Variants in NMNAT2 observed in about 807,000 individuals in gnomAD.
NMNAT2 encodes the protein nicotinamide nucleotide adenylyltransferase 2, also known as nicotinamide/nicotinic acid mononucleotide adenylyltransferase 2.
In NMNAT2, 11 loss-of-function variants were observed where a neutral mutation model predicts 41.6. The observed-to-expected ratio is 0.26, with a 90% CI of 0.17 to 0.44. NMNAT2 has a LOEUF of 0.44. NMNAT2 is among the 20% of genes least tolerant of loss of function. NMNAT2 has a pLI of 1.00. For missense variants in NMNAT2, 288 were observed against 407.7 expected (o/e 0.71, Z 2.53); for synonymous variants, 148 against 151.2 (o/e 0.98, Z 0.16).
At chr1:183,338,383 A>G (rs4992781) in intron 1 of NMNAT2, among the ~76,000 whole-genome samples, 107,805 of 151,426 alleles carry the variant, frequency 0.71, 38,497 homozygotes, top group East Asian at 0.9. Flanking sequence ...TGTGGGGTTG[A>G]GGAGAAATGA....
intron 1 of NMNAT2, among the ~76,000 whole-genome samples, chr1:183,320,311 T>G (rs538374370): frequency 1.2e-4 from 19 of 152,220 alleles, no homozygotes; most frequent in African/African-American, 4.3e-4. Context: ...TGGCAGAGAT[T>G]AAAATTTCTG....
In NMNAT2 at chr1:183,294,655, T is replaced by G. The variant is rs568136444; in HGVS notation, c.86-862A>C. 2.0e-5 allele frequency among the ~76,000 whole-genome samples: 3 copies of G among 152,258 alleles called. No homozygotes were observed. In the South Asian group the frequency reaches 6.2e-4, roughly 32 times the overall value. Reference sequence around the variant, plus strand: ...AAATACAAAACTTAGCCAGACGCGGTGGCAGGCGCCTGTAATCCTAGTTAC... The same window carrying G: ...AAATACAAAACTTAGCCAGACGCGGGGGCAGGCGCCTGTAATCCTAGTTAC... On this transcript the variant is annotated intron_variant, in intron 1 of 10. Transcript: ENST00000287713.
chr1:183,301,342 C>T (rs1335294882), intron 1 of NMNAT2, among the ~76,000 whole-genome samples: 2 of 152,216 alleles, frequency 1.3e-5, no homozygotes, highest in Non-Finnish European at 2.9e-5. Context: ...CTCCTCCCTT[C>T]CCCACTCCAC....
At chr1:183,332,445 A>G (rs530509477) in intron 1 of NMNAT2, among the ~76,000 whole-genome samples, 1 of 152,378 alleles carries the variant, frequency 6.6e-6, no homozygotes, top group Non-Finnish European at 1.5e-5. Flanking sequence ...TACTCAGGTT[A>G]AAAAGCACTA....
At chr1:183,410,968 T>C (rs1220368282) in intron 1 of NMNAT2, among the ~76,000 whole-genome samples, 2 of 152,130 alleles carry the variant, frequency 1.3e-5, no homozygotes, top group East Asian at 1.9e-4. Flanking sequence ...TCCTCCCATC[T>C]TGGCCTCCCA....
intron 1 of NMNAT2, among the ~76,000 whole-genome samples, chr1:183,346,468 A>G (rs971271231): frequency 1.3e-5 from 2 of 152,188 alleles, no homozygotes; most frequent in Non-Finnish European, 2.9e-5. Context: ...TGCACGAGGC[A>G]CAACAGACCA....
intron 9 of NMNAT2, 33 bp from the exon 10 acceptor site, chr1:183,261,102 TC>T: frequency 1.9e-6 from 3 of 1,606,808 alleles, no homozygotes; most frequent in Non-Finnish European, 2.6e-6. Context: ...CAGTTGCCAG[TC>T]CCTCCCACTA....
At chr1:183,369,964 G>A (rs1388564239) in intron 1 of NMNAT2, among the ~76,000 whole-genome samples, 1 of 152,068 alleles carries the variant, frequency 6.6e-6, no homozygotes, top group Non-Finnish European at 1.5e-5. Context: ...GAAGAGCTGG[G>A]ATTAGCATTC....
intron 1 of NMNAT2, among the ~76,000 whole-genome samples, chr1:183,306,079 T>C (rs954525365): frequency 1.3e-5 from 2 of 152,160 alleles, no homozygotes; most frequent in Non-Finnish European, 2.9e-5. Flanking sequence ...AGTAAGAATA[T>C]CTTCATGGAA....
At chr1:183,366,687 G>T (rs1663421078) in intron 1 of NMNAT2, among the ~76,000 whole-genome samples, 1 of 152,128 alleles carries the variant, frequency 6.6e-6, no homozygotes, top group African/African-American at 2.4e-5. Context: ...AGATGGTGGT[G>T]CCATTGATAC....
In NMNAT2 at chr1:183,389,875, G is replaced by A. The variant is rs868229856; in HGVS notation, c.85+28308C>T. 1.7e-4 allele frequency among the ~76,000 whole-genome samples: 16 copies of A among 95,406 alleles called. No homozygotes were observed. In the East Asian group the frequency reaches 4.2e-3, roughly 25 times the overall value. The allele number at this position is 95,406 out of a possible 152,430, so 62.6% of individuals were successfully genotyped here. On this transcript the variant is annotated intron_variant, in intron 1 of 10. Coordinates refer to ENST00000287713, the MANE Select transcript of NMNAT2 (RefSeq NM_015039.4). Reference sequence around the variant, plus strand: ...AAGAGAAAGAAAGAAAGAAAGAAGGGAGGGAGGGAGGGAGGGAGGGAGGGA... The same window carrying A: ...AAGAGAAAGAAAGAAAGAAAGAAGGAAGGGAGGGAGGGAGGGAGGGAGGGA...
chr1:183,300,123 G>A (rs999734832), intron 1 of NMNAT2, among the ~76,000 whole-genome samples: 1 of 152,258 alleles, frequency 6.6e-6, no homozygotes, highest in Admixed American at 6.5e-5. Context: ...CACCATTTAG[G>A]CTGGGCACAG....
At chr1:183,366,240 C>T (rs1663407318) in intron 1 of NMNAT2, among the ~76,000 whole-genome samples, 1 of 152,204 alleles carries the variant, frequency 6.6e-6, no homozygotes, top group South Asian at 2.1e-4. Context: ...CAACTTTGGG[C>T]TGTTACAAGC....
At chr1:183,340,031 T>G (rs1292120671) in intron 1 of NMNAT2, among the ~76,000 whole-genome samples, 1 of 152,154 alleles carries the variant, frequency 6.6e-6, no homozygotes, top group African/African-American at 2.4e-5. Flanking sequence ...CCAATCACAA[T>G]GATTACAAGG....
chr1:183,363,914 A>C (rs542863246), intron 1 of NMNAT2, among the ~76,000 whole-genome samples: 1 of 152,136 alleles, frequency 6.6e-6, no homozygotes, highest in African/African-American at 2.4e-5. Context: ...AGAATGTTTA[A>C]TTTCCTGATG....
At chr1:183,305,876 A>G (rs879735280) in intron 1 of NMNAT2, among the ~76,000 whole-genome samples, 6 of 152,166 alleles carry the variant, frequency 3.9e-5, no homozygotes, top group Non-Finnish European at 8.8e-5. Context: ...TTGCGCCACC[A>G]TACCCGGCCA....
intron 1 of NMNAT2, among the ~76,000 whole-genome samples, chr1:183,375,638 GC>G (rs560567119): frequency 4.5e-4 from 68 of 152,326 alleles, no homozygotes; most frequent in African/African-American, 1.5e-3. Flanking sequence ...AGAAGTAGCT[GC>G]TCCCCTCTCA....
intron 1 of NMNAT2, among the ~76,000 whole-genome samples, chr1:183,332,324 T>G (rs80091818): frequency 3.0e-3 from 463 of 152,302 alleles, no homozygotes; most frequent in African/African-American, 0.011. Flanking sequence ...AATGTGAGAT[T>G]TTTTAATAGA....
chr1:183,268,719 G>A (rs922650787), intron 8 of NMNAT2, among the ~76,000 whole-genome samples: 13 of 152,280 alleles, frequency 8.5e-5, no homozygotes, highest in East Asian at 7.7e-4. Context: ...CAAGTAAGGA[G>A]AGATCATAAA....
Sources: allele counts gnomAD v4.1 joint callset (sites outside exome capture counted in the v4.1 genomes callset), GRCh38; gene constraint gnomAD v4.1.1; transcripts MANE v1.5; gene names NCBI Gene and HGNC (gene_info 2026-07-23, HGNC 2026-07-21).